Variants in EPHB1 observed in about 807,000 individuals in gnomAD.
EPHB1 encodes the protein ephrin type-B receptor 1.
A neutral mutation model predicts 94.4 loss-of-function variants in EPHB1; 30 were observed. The observed-to-expected ratio is 0.32, with a 90% confidence interval of 0.24 to 0.43. The LOEUF is 0.43. Among genes scored for constraint, EPHB1 ranks in the 20% least tolerant of loss-of-function variants. The probability of loss-of-function intolerance (pLI) is 1.00; values close to 1 mark genes in which losing one functional copy is unlikely to be tolerated. For missense variants in EPHB1, 1,055 were observed against 1,308.3 expected, an observed-to-expected ratio of 0.81 and a Z score of 2.99; for synonymous variants, 522 against 489.1, an observed-to-expected ratio of 1.07 and a Z score of -0.89.
Position 135,092,847 on chromosome 3 carries a change from G to A in EPHB1, c.806-13601G>A, listed in dbSNP as rs182126576. On this transcript the variant is annotated intron_variant, in intron 3 of 15. Transcript: ENST00000398015. The stretch of plus-strand genomic sequence containing the variant: ...TTGACATGTTGACCAGGCTGATCTC[G>A]AACTCCTGGGCTCAAGTGATCTTCC... 1.1e-4 allele frequency among the ~76,000 whole-genome samples: 17 copies of A among 152,264 alleles called. No individual in the cohort carries two copies. The East Asian group carries it at 2.9e-3, about 26-fold the overall frequency.
At chr3:135,140,194 A>G (rs2107689890) in intron 5 of EPHB1, among the ~76,000 whole-genome samples, 1 of 152,298 alleles carries the variant, frequency 6.6e-6, no homozygotes, top group South Asian at 2.1e-4. Context: ...TTGGATTATT[A>G]GATAGTTGCT....
At chr3:135,089,670 G>A (rs1938488085) in intron 3 of EPHB1, among the ~76,000 whole-genome samples, 1 of 152,166 alleles carries the variant, frequency 6.6e-6, no homozygotes, top group African/African-American at 2.4e-5. Flanking sequence ...GACCCTTCCT[G>A]GGCATGAGAG....
chr3:135,068,019 C>T (rs1192780699), intron 3 of EPHB1: 1 of 152,276 alleles, frequency 6.6e-6, no homozygotes, highest in Non-Finnish European at 1.5e-5. Context: ...AGATCCCTTT[C>T]CCACTTCGGC....
At chr3:134,887,333 C>T (rs1300725981) in intron 1 of EPHB1, among the ~76,000 whole-genome samples, 4 of 152,162 alleles carry the variant, frequency 2.6e-5, no homozygotes, top group African/African-American at 7.2e-5. Context: ...TGTCAGGTCT[C>T]GTAAGCTCCC....
At chr3:134,851,462 C>T (rs550702960) in intron 1 of EPHB1, among the ~76,000 whole-genome samples, 23 of 152,240 alleles carry the variant, frequency 1.5e-4, no homozygotes, top group African/African-American at 5.5e-4. Context: ...CTCCATCCCT[C>T]CTTCCCCTGC....
chr3:134,913,555 A>G (rs1016334075), intron 1 of EPHB1, among the ~76,000 whole-genome samples: 5 of 152,196 alleles, frequency 3.3e-5, no homozygotes, highest in Non-Finnish European at 5.9e-5. Flanking sequence ...GATGCGAGGA[A>G]AGACTATAGT....
intron 12 of EPHB1, among the ~76,000 whole-genome samples, chr3:135,213,653 G>A (rs1272556876): frequency 1.3e-5 from 2 of 152,202 alleles, no homozygotes; most frequent in Non-Finnish European, 2.9e-5. Context: ...TTGGTGGGCA[G>A]AGCTCCAACA....
intron 3 of EPHB1, among the ~76,000 whole-genome samples, chr3:134,962,496 G>A (rs1933558521): frequency 6.6e-6 from 1 of 152,176 alleles, no homozygotes; most frequent in African/African-American, 2.4e-5. Flanking sequence ...CAGGACAAGT[G>A]CAGGTGCTTG....
chr3:135,118,161 G>A (rs1442920917), intron 4 of EPHB1, among the ~76,000 whole-genome samples: 1 of 152,188 alleles, frequency 6.6e-6, no homozygotes, highest in East Asian at 1.9e-4. Flanking sequence ...GTCTGCATGA[G>A]GCTCCATGAG....
chr3:134,858,031 G>T (rs2037160565), intron 1 of EPHB1, among the ~76,000 whole-genome samples: 1 of 152,182 alleles, frequency 6.6e-6, no homozygotes, highest in African/African-American at 2.4e-5. Flanking sequence ...CACCACCTTA[G>T]CAGGCTTCCC....
At chr3:135,179,771 G>A in intron 9 of EPHB1, 89 bp from the exon 10 acceptor site, 1 of 1,517,586 alleles carries the variant, frequency 6.6e-7, no homozygotes, top group Non-Finnish European at 9.0e-7. Context: ...CTCCTCCCAG[G>A]AATGCCCTTA....
chr3:135,166,841 C>T, intron 8 of EPHB1, 101 bp from the exon 9 acceptor site: 1 of 1,243,866 alleles, frequency 8.0e-7, no homozygotes, highest in Non-Finnish European at 1.2e-6. Context: ...TGGGAGATGC[C>T]CCGGGTGAGC....
chr3:134,836,816 A>G (rs1245575086), intron 1 of EPHB1, among the ~76,000 whole-genome samples: 1 of 152,232 alleles, frequency 6.6e-6, no homozygotes, highest in Non-Finnish European at 1.5e-5. Context: ...CTGTTAATTC[A>G]TTGACCGGAA....
chr3:135,160,829 C>T (rs1161677613), intron 6 of EPHB1, among the ~76,000 whole-genome samples: 2 of 152,130 alleles, frequency 1.3e-5, no homozygotes, highest in Non-Finnish European at 2.9e-5. Context: ...GAAACATAGG[C>T]TTAAGCAATC....
intron 2 of EPHB1, among the ~76,000 whole-genome samples, chr3:134,945,178 T>C (rs986762950): frequency 2.0e-5 from 3 of 152,212 alleles, no homozygotes; most frequent in Non-Finnish European, 4.4e-5. Context: ...AAATACTTTT[T>C]TTCTATCAGG....
intron 3 of EPHB1, among the ~76,000 whole-genome samples, chr3:134,961,984 G>A (rs1232156435): frequency 6.6e-6 from 1 of 152,144 alleles, no homozygotes; most frequent in East Asian, 1.9e-4. Flanking sequence ...TAAGAATGCA[G>A]TAAATTCTCA....
At chr3:135,071,923 G>A (rs1182304526) in intron 3 of EPHB1, among the ~76,000 whole-genome samples, 3 of 152,126 alleles carry the variant, frequency 2.0e-5, no homozygotes, top group African/African-American at 7.2e-5. Flanking sequence ...AGAAAAGTTA[G>A]GCCATTCTTG....
At chr3:135,248,653 G>T (rs1943986846) in intron 14 of EPHB1, 144 bp downstream of exon 14, 5 of 698,402 alleles carry the variant, frequency 7.2e-6, no homozygotes, top group Non-Finnish European at 1.1e-5. Flanking sequence ...AGAGCAACAT[G>T]CATGAAGAAA....
intron 13 of EPHB1, among the ~76,000 whole-genome samples, chr3:135,243,088 A>G (rs1195112351): frequency 1.4e-5 from 2 of 138,892 alleles, no homozygotes; most frequent in Non-Finnish European, 3.1e-5. Context: ...AAAAAAAAAA[A>G]AAAAAAGAAA....
Sources: gnomAD v4.1 joint callset for allele counts (sites outside exome capture counted in the v4.1 genomes callset) on GRCh38, gnomAD v4.1.1 for gene constraint, MANE v1.5 for transcripts, NCBI Gene and HGNC (gene_info 2026-07-23, HGNC 2026-07-21) for gene names.